PHYHD1: variants seen among roughly 807,000 people sequenced by gnomAD.
The protein encoded by PHYHD1 is phytanoyl-CoA dioxygenase domain containing 1.
Under a neutral mutation model 43.6 loss-of-function variants are expected in PHYHD1, and 42 were observed. The observed-to-expected ratio is 0.96, with a 90% CI of 0.75 to 1.25. PHYHD1 has a LOEUF of 1.25. Among genes scored for constraint, PHYHD1 ranks in the 50% most tolerant of loss-of-function variants. The probability of loss-of-function intolerance (pLI) is 0.00; values close to 1 mark genes in which losing one functional copy is unlikely to be tolerated. For synonymous variants in PHYHD1, 139 were observed against 143.6 expected, an observed-to-expected ratio of 0.97 and a Z score of 0.23; for missense variants, 342 against 370.8, an observed-to-expected ratio of 0.92 and a Z score of 0.64.
intron 4 of PHYHD1, among the ~76,000 whole-genome samples, chr9:128,928,426 G>A (rs183877322): frequency 6.6e-6 from 1 of 152,232 alleles, no homozygotes; most frequent in East Asian, 1.9e-4. Flanking sequence ...ATATTGGCCG[G>A]GCGCAGTGAC....
At chr9:128,928,828 GA>G (rs1372091849) in intron 4 of PHYHD1, among the ~76,000 whole-genome samples, 5 of 151,806 alleles carry the variant, frequency 3.3e-5, no homozygotes, top group African/African-American at 9.7e-5. Flanking sequence ...GATACTGTGA[GA>G]AAAAAAAAGA....
At chr9:128,928,806 A>G (rs771730994) in intron 4 of PHYHD1, among the ~76,000 whole-genome samples, 2 of 152,112 alleles carry the variant, frequency 1.3e-5, no homozygotes, top group Non-Finnish European at 2.9e-5. Context: ...AACATCCTCA[A>G]TATTCACTCT....
rs201908722 is a variant in PHYHD1, at chr9:128,927,115, C to T, written c.111C>T (p.Gly37=). ...EECVAMQQRI[G]EIVAEMDVPL... is the part of the protein sequence containing the mutation. Reference sequence around the variant, plus strand: ...GTGTGGCCATGCAACAAAGGATTGGCGAGATAGTGGCTGAAATGGATGTTC... The same window carrying T: ...GTGTGGCCATGCAACAAAGGATTGGTGAGATAGTGGCTGAAATGGATGTTC... The change falls in exon 4 of 13, where the codon GGC becomes GGT. Residue 37 remains glycine, a synonymous_variant. Coordinates refer to ENST00000372592, the MANE Select transcript of PHYHD1 (RefSeq NM_001100876.2). 38 of 1,614,100 alleles carry T rather than the reference C, an allele frequency of 2.4e-5. No homozygotes were observed. Among genetic ancestry groups the T allele is most frequent in the Middle Eastern group, 1.6e-4 (1 of 6,062 alleles).
Position 128,922,317 on chromosome 9 carries a change from C to A in PHYHD1, c.-7C>A, listed in dbSNP as rs953601645. The A allele has an allele frequency of 6.4e-7, 1 of 1,551,258 alleles. No individual in the cohort carries two copies. The highest frequency in any genetic ancestry group is 8.7e-7 in the Non-Finnish European group (1 of 1,147,298). On this transcript the variant is annotated 5_prime_UTR_variant, in exon 3 of 13. Coordinates refer to ENST00000372592, the MANE Select transcript of PHYHD1 (RefSeq NM_001100876.2). ...CTTAGAAGCCGCCCAGTGCCCTGAG[C>A]GTCTCCATGGCCTGCCTGAGCCCCT...
intron 3 of PHYHD1, among the ~76,000 whole-genome samples, chr9:128,924,230 C>T (rs931637826): frequency 6.6e-6 from 1 of 151,924 alleles, no homozygotes; most frequent in Non-Finnish European, 1.5e-5. Context: ...TCCTGGCTAA[C>T]ATGGTGAAAC....
rs776488419 is a variant in PHYHD1 at position 128,922,371 on chromosome 9, G to T, written c.33+15G>T. 6.5e-7 allele frequency: 1 copy of T among 1,548,436 alleles called. No homozygotes were observed. The highest frequency in any genetic ancestry group is 8.7e-7 in the Non-Finnish European group (1 of 1,146,428). On this transcript the variant is annotated intron_variant, in intron 3 of 12. Coordinates refer to ENST00000372592, the MANE Select transcript of PHYHD1 (RefSeq NM_001100876.2). Reference sequence around the variant, plus strand: ...AGCTCCAGAAGGTAGGAGCCTGCAAGTCGGGGCCGGGAGGGTCATGGCGGG... The same window carrying T: ...AGCTCCAGAAGGTAGGAGCCTGCAATTCGGGGCCGGGAGGGTCATGGCGGG...
chr9:128,935,324 G>A lies in PHYHD1; in HGVS notation c.317-1124G>A, dbSNP rs572207040. 7.6e-4 allele frequency among the ~76,000 whole-genome samples: 116 copies of A among 152,206 alleles called. 1 individual carries two copies. The highest frequency in any genetic ancestry group is 3.2e-3 in the Admixed American group (49 of 15,268). ...GTAGACAAGTTGTGGTAAAATACACGTAAGATTTACCATATCATTGCCGGG... is the reference window on the plus strand; with the variant it reads ...GTAGACAAGTTGTGGTAAAATACACATAAGATTTACCATATCATTGCCGGG... On this transcript the variant is annotated intron_variant, in intron 6 of 12. Transcript: ENST00000372592.
chr9:128,936,398 AG>A, intron 6 of PHYHD1, 49 bp from the exon 7 acceptor site: 1 of 1,575,498 alleles, frequency 6.3e-7, no homozygotes, highest in South Asian at 1.2e-5. Context: ...CTGGGTGTGG[AG>A]GGACACGTGG....
At chr9:128,941,121 A>G (rs997690789) in intron 11 of PHYHD1, among the ~76,000 whole-genome samples, 4 of 152,216 alleles carry the variant, frequency 2.6e-5, no homozygotes, top group African/African-American at 9.6e-5. Flanking sequence ...CTAACTCAGC[A>G]TCACCGGAGA....
chr9:128,921,881 G>C (rs1026823002), intron 1 of PHYHD1, 49 bp from the exon 2 acceptor site: 1 of 170,560 alleles, frequency 5.9e-6, no homozygotes, highest in East Asian at 1.7e-4. Flanking sequence ...CCTGGAGAAG[G>C]GGGGTGCCGC....
intron 9 of PHYHD1, chr9:128,938,030 G>A: frequency 3.1e-6 from 4 of 1,290,894 alleles, no homozygotes; most frequent in South Asian, 3.2e-5. Context: ...TCCTAGGACA[G>A]GCGTGGTGGC....
At chr9:128,927,835 GC>G (rs1165593163) in intron 4 of PHYHD1, among the ~76,000 whole-genome samples, 2 of 152,202 alleles carry the variant, frequency 1.3e-5, no homozygotes, top group Non-Finnish European at 2.9e-5. Flanking sequence ...GTCACCGAAG[GC>G]CACTTTGTGG....
Position 128,922,284 on chromosome 9 carries a change from A to G in PHYHD1, c.-40A>G. On this transcript the variant is annotated splice_region_variant and 5_prime_UTR_variant, in exon 3 of 13. Transcript: ENST00000372592. ...CCTAAACTTTCTCCTCCCCACCAGGAGGCCGCGCTTAGAAGCCGCCCAGTG... is the reference window on the plus strand; with the variant it reads ...CCTAAACTTTCTCCTCCCCACCAGGGGGCCGCGCTTAGAAGCCGCCCAGTG... The G allele has an allele frequency of 1.9e-6, 3 of 1,549,840 alleles. No individual in the cohort carries two copies. The South Asian group carries it at 3.6e-5, about 18-fold the overall frequency.
At chr9:128,936,273 G>A (rs1841420233) in intron 6 of PHYHD1, among the ~76,000 whole-genome samples, 175 bp from the exon 7 acceptor site, 1 of 152,036 alleles carries the variant, frequency 6.6e-6, no homozygotes, top group Non-Finnish European at 1.5e-5. Flanking sequence ...CATAGGGCCT[G>A]GGGTGGGGGC....
chr9:128,938,831 T>C (rs1841490497), intron 9 of PHYHD1, among the ~76,000 whole-genome samples: 1 of 131,612 alleles, frequency 7.6e-6, no homozygotes, highest in Non-Finnish European at 1.8e-5. Flanking sequence ...GCCTCCCTAG[T>C]AGGTGATTAT....
At chr9:128,929,229 G>A (rs567606238) in intron 4 of PHYHD1, among the ~76,000 whole-genome samples, 29 of 152,144 alleles carry the variant, frequency 1.9e-4, no homozygotes, top group Middle Eastern at 6.8e-3. Flanking sequence ...TACATGGGAG[G>A]CTGAGGCAGA....
intron 2 of PHYHD1, 21 bp from the exon 3 acceptor site, chr9:128,922,262 A>C: frequency 6.5e-7 from 1 of 1,546,994 alleles, no homozygotes; most frequent in South Asian, 1.2e-5. Context: ...CCAGGCTCCT[A>C]AACTTTCTCC....
rs10988160 is a variant in PHYHD1 at position 128,941,755 on chromosome 9, G to A, written c.*42G>A. ...GGAGCCCTCGCCCCTCCCGGGTGAA[G>A]CTGTGGGCTGTAAACACCAGTGCCT... On this transcript the variant is annotated 3_prime_UTR_variant, in exon 13 of 13. Coordinates refer to ENST00000372592, the MANE Select transcript of PHYHD1 (RefSeq NM_001100876.2). The A allele has an allele frequency of 6.2e-7, 1 of 1,613,764 alleles. No individual in the cohort carries two copies. The highest frequency in any genetic ancestry group is 8.5e-7 in the Non-Finnish European group (1 of 1,179,762).
chr9:128,935,439 A>G (rs1195886604), intron 6 of PHYHD1, among the ~76,000 whole-genome samples: 7 of 151,070 alleles, frequency 4.6e-5, no homozygotes, highest in Non-Finnish European at 7.4e-5. Flanking sequence ...CCTGGCTAAC[A>G]CAGTGAAACC....
Sources: allele counts gnomAD v4.1 joint callset (sites outside exome capture counted in the v4.1 genomes callset), GRCh38; gene constraint gnomAD v4.1.1; transcripts MANE v1.5; gene names NCBI Gene and HGNC (gene_info 2026-07-23, HGNC 2026-07-21).